The following DNAJC3 variants were observed in gnomAD, a reference collection of about 807,000 sequenced individuals.
DNAJC3 encodes dnaJ homolog subfamily C member 3.
Under a neutral mutation model 68.6 loss-of-function variants are expected in DNAJC3, and 38 were observed. That is an observed-to-expected ratio of 0.55 (90% CI 0.43 to 0.73). DNAJC3 has a LOEUF of 0.73. Among genes scored for constraint, DNAJC3 ranks in the 30% least tolerant of loss-of-function variants. The probability of loss-of-function intolerance (pLI) is 0.00; values close to 1 mark genes in which losing one functional copy is unlikely to be tolerated. For missense variants in DNAJC3, 526 were observed against 591.9 expected (o/e 0.89, Z 1.16); for synonymous variants, 203 against 204.0 (o/e 1.00, Z 0.04).
chr13:95,766,671 T>C (rs1883001166), intron 9 of DNAJC3, among the ~76,000 whole-genome samples: 1 of 152,120 alleles, frequency 6.6e-6, no homozygotes. Context: ...AGTCCTGCCT[T>C]TGAGTCTGGC....
chr13:95,729,977 CTT>C (rs1376591518), intron 4 of DNAJC3, among the ~76,000 whole-genome samples: 2 of 152,076 alleles, frequency 1.3e-5, no homozygotes, highest in African/African-American at 4.8e-5. Context: ...TTGATTGTGT[CTT>C]TTGCTGTGCA....
chr13:95,734,338 T>A (rs907174463), intron 4 of DNAJC3, among the ~76,000 whole-genome samples: 18 of 152,232 alleles, frequency 1.2e-4, no homozygotes, highest in African/African-American at 4.3e-4. Context: ...TTTGAGTATA[T>A]CATTCCATTC....
At chr13:95,736,143 G>A (rs1249285430) in intron 4 of DNAJC3, among the ~76,000 whole-genome samples, 14 of 152,060 alleles carry the variant, frequency 9.2e-5, no homozygotes, top group African/African-American at 2.9e-4. Flanking sequence ...GATATGCGGC[G>A]TTATTTCTGA....
At chr13:95,746,407 T>C (rs891548970) in intron 4 of DNAJC3, among the ~76,000 whole-genome samples, 12 of 152,196 alleles carry the variant, frequency 7.9e-5, no homozygotes, top group Admixed American at 3.9e-4. Flanking sequence ...TTTATACATT[T>C]TGTGTAAGTG....
chr13:95,742,368 T>C (rs1408341823), intron 4 of DNAJC3, among the ~76,000 whole-genome samples: 1 of 152,162 alleles, frequency 6.6e-6, no homozygotes, highest in Non-Finnish European at 1.5e-5. Flanking sequence ...AGGCACCATG[T>C]TGTAGGTGCA....
intron 9 of DNAJC3, among the ~76,000 whole-genome samples, chr13:95,781,808 T>G (rs1883463144): frequency 6.6e-6 from 1 of 151,432 alleles, no homozygotes; most frequent in African/African-American, 2.4e-5. Context: ...TGTGTGTGTG[T>G]GTTTTTTTTT....
intron 1 of DNAJC3, chr13:95,695,275 C>T (rs1880404378): frequency 6.6e-6 from 1 of 152,082 alleles, no homozygotes; most frequent in African/African-American, 2.4e-5. Context: ...AATATTTCTC[C>T]TCCTCCTTCT....
At chr13:95,779,045 C>CT (rs561694142) in intron 9 of DNAJC3, among the ~76,000 whole-genome samples, 22 of 149,978 alleles carry the variant, frequency 1.5e-4, no homozygotes, top group African/African-American at 4.7e-4. Flanking sequence ...TGTATATTTC[C>CT]TTTTTTTGGT....
chr13:95,727,887 C>G (rs1881581511), intron 4 of DNAJC3, among the ~76,000 whole-genome samples: 2 of 152,134 alleles, frequency 1.3e-5, no homozygotes, highest in Admixed American at 1.3e-4. Context: ...TGTAACCATA[C>G]CAATTTCCAT....
chr13:95,733,318 G>A (rs1052537391), intron 4 of DNAJC3, among the ~76,000 whole-genome samples: 6 of 152,132 alleles, frequency 3.9e-5, no homozygotes, highest in Non-Finnish European at 8.8e-5. Context: ...GTGCTCCAGT[G>A]TTGGGTACAT....
intron 1 of DNAJC3, among the ~76,000 whole-genome samples, chr13:95,690,261 G>C (rs1299232120): frequency 1.3e-5 from 2 of 152,084 alleles, no homozygotes; most frequent in South Asian, 4.1e-4. Context: ...ATTCAACCCT[G>C]AGTGGATACA....
chr13:95,691,121 G>A lies in DNAJC3; in HGVS notation c.82+13784G>A, dbSNP rs544675827. Among the ~76,000 whole-genome samples, 24 of 148,192 alleles carry A rather than the reference G, an allele frequency of 1.6e-4. No homozygotes were observed. In the South Asian group the frequency reaches 4.3e-3, roughly 27 times the overall value. On this transcript the variant is annotated intron_variant, in intron 1 of 11. Transcript: ENST00000602402. ...CAGAGGCGCCCCTCACTTCCCAGAC[G>A]GAGCGGCTGGCCGGGCAGGGGGCTG...
In DNAJC3 at chr13:95,725,253, G is replaced by T. The variant is rs1191693916; in HGVS notation, c.393+1G>T. ...AGCAGAAGATGATTTTAAAAAAGTG[G>T]TAAGTTCAATATGTATTTGACTCTA... On this transcript the variant is annotated splice_donor_variant, in intron 4 of 11. Transcript: ENST00000602402. LOFTEE classifies it high-confidence loss of function. 4 of 1,587,762 alleles carry T rather than the reference G, an allele frequency of 2.5e-6. No homozygotes were observed. Among genetic ancestry groups the T allele is most frequent in the Non-Finnish European group, 3.4e-6 (4 of 1,169,468 alleles).
chr13:95,786,441 T>C (rs1213616459), intron 10 of DNAJC3, among the ~76,000 whole-genome samples: 3 of 152,084 alleles, frequency 2.0e-5, no homozygotes, highest in Non-Finnish European at 2.9e-5. Flanking sequence ...AAAAATAAAG[T>C]AGTGCTTTCA....
chr13:95,735,309 G>A (rs1881871125), intron 4 of DNAJC3, among the ~76,000 whole-genome samples: 1 of 114,082 alleles, frequency 8.8e-6, no homozygotes, highest in Admixed American at 9.7e-5. Context: ...ATAGCAGCAT[G>A]ATTTATAGTC....
intron 4 of DNAJC3, among the ~76,000 whole-genome samples, chr13:95,736,413 A>C (rs1431671339): frequency 6.7e-6 from 1 of 149,318 alleles, no homozygotes; most frequent in Non-Finnish European, 1.5e-5. Context: ...TACCTTGGGC[A>C]GTATGGCCAT....
intron 9 of DNAJC3, among the ~76,000 whole-genome samples, chr13:95,776,659 TAG>T: frequency 6.6e-6 from 1 of 152,362 alleles, no homozygotes; most frequent in East Asian, 1.9e-4. Context: ...CTTTTAAAAA[TAG>T]TTTTATTAAC....
At chr13:95,691,098 G>A (rs1324947943) in intron 1 of DNAJC3, among the ~76,000 whole-genome samples, 2 of 147,906 alleles carry the variant, frequency 1.4e-5, no homozygotes, top group Non-Finnish European at 3.0e-5. Flanking sequence ...CGGCCGGGCA[G>A]AGGCGCCCCT....
intron 4 of DNAJC3, among the ~76,000 whole-genome samples, chr13:95,737,981 C>T (rs1366753527): frequency 5.4e-5 from 6 of 111,942 alleles, no homozygotes; most frequent in African/African-American, 1.4e-4. Context: ...TTTCCCTCTA[C>T]ACACTGCTTT....
Sources: gnomAD v4.1 joint callset for allele counts (sites outside exome capture counted in the v4.1 genomes callset) on GRCh38, gnomAD v4.1.1 for gene constraint, MANE v1.5 for transcripts, NCBI Gene and HGNC (gene_info 2026-07-23, HGNC 2026-07-21) for gene names.